The following SORCS3 variants were observed in gnomAD, a reference collection of about 807,000 sequenced individuals.
The protein encoded by SORCS3 is VPS10 domain-containing receptor SorCS3.
Under a neutral mutation model 146.3 loss-of-function variants are expected in SORCS3, and 57 were observed. The ratio of observed to expected loss-of-function variants is 0.39; its 90% CI spans 0.31 to 0.49. The LOEUF (loss-of-function observed/expected upper bound fraction) is 0.49. SORCS3 is among the 20% of genes least tolerant of loss of function. The pLI is 0.92. For synonymous variants in SORCS3, 653 were observed against 618.5 expected (o/e 1.06, Z -0.83); for missense variants, 1,341 against 1,575.5 (o/e 0.85, Z 2.52).
intron 16 of SORCS3, among the ~76,000 whole-genome samples, chr10:105,202,085 A>G (rs1398944413): frequency 6.6e-6 from 1 of 152,172 alleles, no homozygotes. Context: ...AGCTGTTTGT[A>G]TCACTCCAGG....
chr10:104,754,556 G>A (rs906077056), intron 1 of SORCS3, among the ~76,000 whole-genome samples: 1 of 151,956 alleles, frequency 6.6e-6, no homozygotes, highest in Non-Finnish European at 1.5e-5. Context: ...TTGGTTTTAG[G>A]TGCTATTAAG....
chr10:105,008,253 T>G (rs2055109909), intron 4 of SORCS3, among the ~76,000 whole-genome samples: 1 of 152,192 alleles, frequency 6.6e-6, no homozygotes, highest in Admixed American at 6.5e-5. Context: ...ACACCTTGTC[T>G]TTTCTTCTGG....
At chr10:104,999,934 C>T (rs1341953978) in intron 4 of SORCS3, among the ~76,000 whole-genome samples, 1 of 152,076 alleles carries the variant, frequency 6.6e-6, no homozygotes, top group East Asian at 1.9e-4. Context: ...CTGTGACTAC[C>T]TGCCTTTTAC....
chr10:105,176,949 A>C (rs952589867), intron 13 of SORCS3, among the ~76,000 whole-genome samples: 1 of 149,362 alleles, frequency 6.7e-6, no homozygotes, highest in Non-Finnish European at 1.5e-5. Context: ...TATTATGTGC[A>C]TATATTAGGA....
intron 1 of SORCS3, among the ~76,000 whole-genome samples, chr10:104,691,550 G>GA (rs978485241): frequency 1.3e-5 from 2 of 152,114 alleles, no homozygotes; most frequent in African/African-American, 4.8e-5. Context: ...TGGCTCTGGG[G>GA]ACGACATTCA....
chr10:105,007,248 A>T (rs2055101877), intron 4 of SORCS3, among the ~76,000 whole-genome samples: 1 of 152,206 alleles, frequency 6.6e-6, no homozygotes, highest in Non-Finnish European at 1.5e-5. Context: ...GTTCAGTGTT[A>T]TGAGAGATAC....
At position 105,067,414 on chromosome 10, in the gene SORCS3, G is replaced by A. The variant is rs185541517; in HGVS notation, c.1029-22361G>A. ...TGGTGGCAGGCGCCGGTATTCCCAG[G>A]TACTCAGGAGGTTGAGACAGGAGAA... On this transcript the variant is annotated intron_variant, in intron 5 of 26. Coordinates refer to ENST00000369701, the MANE Select transcript of SORCS3 (RefSeq NM_014978.3). 2.3e-4 allele frequency among the ~76,000 whole-genome samples: 35 copies of A among 152,226 alleles called. 1 individual carries two copies. Among genetic ancestry groups the A allele is most frequent in the African/African-American group, 8.2e-4 (34 of 41,556 alleles).
chr10:104,747,463 A>C (rs1413643950), intron 1 of SORCS3, among the ~76,000 whole-genome samples: 1 of 152,116 alleles, frequency 6.6e-6, no homozygotes, highest in Non-Finnish European at 1.5e-5. Flanking sequence ...GAATTCTTAT[A>C]ATTAAAGGGG....
At chr10:104,942,447 G>A (rs1347984290) in intron 3 of SORCS3, among the ~76,000 whole-genome samples, 5 of 152,162 alleles carry the variant, frequency 3.3e-5, no homozygotes, top group Non-Finnish European at 7.3e-5. Context: ...CCAGCTCATT[G>A]TGAGGGCAGC....
chr10:105,174,685 A>G (rs944184911), intron 13 of SORCS3, among the ~76,000 whole-genome samples: 17 of 152,148 alleles, frequency 1.1e-4, no homozygotes, highest in African/African-American at 2.2e-4. Context: ...GTTATTGTCT[A>G]TGCTACCTTT....
chr10:104,668,169 G>T (rs144422475), intron 1 of SORCS3, among the ~76,000 whole-genome samples: 1 of 152,120 alleles, frequency 6.6e-6, no homozygotes, highest in Non-Finnish European at 1.5e-5. Flanking sequence ...GTGTGTGCGC[G>T]CATGTGTGTG....
At chr10:105,204,649 A>G (rs2056591754) in intron 16 of SORCS3, among the ~76,000 whole-genome samples, 1 of 152,054 alleles carries the variant, frequency 6.6e-6, no homozygotes, top group Admixed American at 6.6e-5. Context: ...TAAAGTAGAG[A>G]AGTAGACAAG....
At chr10:104,789,627 TGC>T (rs1402095379) in intron 1 of SORCS3, among the ~76,000 whole-genome samples, 2 of 152,118 alleles carry the variant, frequency 1.3e-5, no homozygotes, top group Non-Finnish European at 2.9e-5. Context: ...AAACTACAAT[TGC>T]TAAGAAAAGT....
Position 104,793,558 on chromosome 10 carries a change from A to G in SORCS3, c.628-49234A>G, listed in dbSNP as rs193259521. On this transcript the variant is annotated intron_variant, in intron 1 of 26. Transcript: ENST00000369701. The stretch of plus-strand genomic sequence containing the variant: ...AAATCTGGACTGAAGTTGTGGGAAT[A>G]CAGGGGATGGGATTGTTAGGACTTA... Among the ~76,000 whole-genome samples the G allele has an allele frequency of 7.7e-4, 117 of 152,322 alleles. 1 individual carries two copies. The South Asian group carries it at 0.012, about 15-fold the overall frequency.
rs141431392 is a variant in SORCS3 at position 104,702,650 on chromosome 10, A to G, written c.627+60696A>G. ...TTCCAATGTTTGCATTTTCATCTTA[A>G]GAGCTATGAACCTTGGACTGTACTC... is the stretch of plus-strand genomic sequence containing the variant. On this transcript the variant is annotated intron_variant, in intron 1 of 26. Coordinates refer to ENST00000369701, the MANE Select transcript of SORCS3 (RefSeq NM_014978.3). Among the ~76,000 whole-genome samples the G allele has an allele frequency of 5.9e-3, 906 of 152,324 alleles. 7 individuals carry two copies. The highest frequency in any genetic ancestry group is 0.02 in the African/African-American group (831 of 41,568).
Position 105,147,913 on chromosome 10 carries a change from T to C in SORCS3, c.1482+117T>C, listed in dbSNP as rs560064324. The C allele has an allele frequency of 8.1e-5, 66 of 818,452 alleles. No individual in the cohort carries two copies. The East Asian group carries it at 1.8e-3, about 22-fold the overall frequency. 50.7% of individuals were successfully genotyped at this position (818,452 alleles called of 1,614,324 possible). On this transcript the variant is annotated intron_variant, in intron 9 of 26. Transcript: ENST00000369701. ...GATTCCAGCTGTACCACTTAGCAAT[T>C]GTATGACTTTGGGCAAGGGACTTCT...
intron 4 of SORCS3, among the ~76,000 whole-genome samples, chr10:105,035,000 G>GA (rs1455100288): frequency 6.6e-6 from 1 of 152,168 alleles, no homozygotes; most frequent in African/African-American, 2.4e-5. Flanking sequence ...ACAATTAAAT[G>GA]AGTCAACCCA....
chr10:105,206,649 T>C (rs1317422622), intron 16 of SORCS3, among the ~76,000 whole-genome samples: 1 of 152,146 alleles, frequency 6.6e-6, no homozygotes, highest in Admixed American at 6.5e-5. Flanking sequence ...TGAGGAATGA[T>C]TGTTGGATTT....
chr10:104,958,376 A>G (rs1018944471), intron 3 of SORCS3, among the ~76,000 whole-genome samples: 3 of 152,156 alleles, frequency 2.0e-5, no homozygotes, highest in Admixed American at 6.5e-5. Context: ...ACCTCCCTGC[A>G]ATGCCCCGCT....
Sources: gnomAD v4.1 joint callset for allele counts (sites outside exome capture counted in the v4.1 genomes callset) on GRCh38, gnomAD v4.1.1 for gene constraint, MANE v1.5 for transcripts, NCBI Gene and HGNC (gene_info 2026-07-23, HGNC 2026-07-21) for gene names.